DCDC1: variants seen among roughly 807,000 people sequenced by gnomAD.
The protein encoded by DCDC1 is doublecortin domain containing 1.
In DCDC1, 200 loss-of-function variants were observed where a neutral mutation model predicts 178.3. That is an observed-to-expected ratio of 1.12 (90% CI 1.00 to 1.26). DCDC1 has a LOEUF of 1.26. DCDC1 is among the 50% of genes most tolerant of loss of function. The pLI is 0.00. For synonymous variants in DCDC1, 690 were observed against 604.8 expected (o/e 1.14, Z -2.07); for missense variants, 1,983 against 1,749.2 (o/e 1.13, Z -2.38).
At chr11:31,051,203 A>T (rs996863563) in intron 20 of DCDC1, among the ~76,000 whole-genome samples, 49 of 152,328 alleles carry the variant, frequency 3.2e-4, no homozygotes, top group African/African-American at 1.1e-3. Context: ...CAGCAATAGA[A>T]CTGAACAAGT....
chr11:31,066,853 C>T (rs1302613236), intron 18 of DCDC1, among the ~76,000 whole-genome samples: 1 of 152,034 alleles, frequency 6.6e-6, no homozygotes, highest in Non-Finnish European at 1.5e-5. Context: ...CTTAATGTAA[C>T]CTGTAGACTT....
chr11:30,988,068 C>G (rs1404493360), intron 20 of DCDC1, among the ~76,000 whole-genome samples: 1 of 151,886 alleles, frequency 6.6e-6, no homozygotes, highest in East Asian at 1.9e-4. Context: ...TTTTGCAAGC[C>G]AAGATAAGAA....
intron 9 of DCDC1, among the ~76,000 whole-genome samples, chr11:31,196,113 T>C (rs889446921): frequency 1.1e-4 from 17 of 152,030 alleles, no homozygotes; most frequent in Non-Finnish European, 2.2e-4. Context: ...TCCTGTTGGA[T>C]GAAAACTTCC....
chr11:31,000,293 T>C (rs1231835576), intron 20 of DCDC1, among the ~76,000 whole-genome samples: 1 of 152,186 alleles, frequency 6.6e-6, no homozygotes, highest in Non-Finnish European at 1.5e-5. Flanking sequence ...TCAACACTGT[T>C]TGCAATCTTT....
chr11:31,309,476 C>T (rs1948644423), intron 3 of DCDC1, among the ~76,000 whole-genome samples: 1 of 152,186 alleles, frequency 6.6e-6, no homozygotes, highest in South Asian at 2.1e-4. Flanking sequence ...TCATTTCAAA[C>T]TGGCAGTGTT....
At chr11:31,298,945 A>G (rs371137991) in intron 6 of DCDC1, among the ~76,000 whole-genome samples, 1 of 152,246 alleles carries the variant, frequency 6.6e-6, no homozygotes, top group East Asian at 1.9e-4. Flanking sequence ...CTGACTGTCA[A>G]GTAGGTATAG....
chr11:31,109,045 T>C (rs1300051687), intron 12 of DCDC1, among the ~76,000 whole-genome samples: 1 of 152,042 alleles, frequency 6.6e-6, no homozygotes, highest in Non-Finnish European at 1.5e-5. Context: ...ATTTATTGCA[T>C]ACAGAAGCAC....
At chr11:30,886,345 G>A in intron 36 of DCDC1, among the ~76,000 whole-genome samples, 1 of 152,156 alleles carries the variant, frequency 6.6e-6, no homozygotes, top group South Asian at 2.1e-4. Flanking sequence ...AGATTCATAT[G>A]GTTTTATTTT....
intron 20 of DCDC1, among the ~76,000 whole-genome samples, chr11:30,985,980 C>T (rs1950620146): frequency 6.6e-6 from 1 of 152,094 alleles, no homozygotes; most frequent in Admixed American, 6.5e-5. Flanking sequence ...GTATTAGGCT[C>T]AGCAGCGTCT....
intron 20 of DCDC1, among the ~76,000 whole-genome samples, chr11:31,014,658 A>G (rs1469628784): frequency 2.6e-5 from 4 of 152,180 alleles, no homozygotes; most frequent in African/African-American, 9.6e-5. Flanking sequence ...TTTCTAATTG[A>G]TATGATGCCA....
chr11:31,312,875 G>A (rs1290598552), intron 3 of DCDC1: 1 of 151,972 alleles, frequency 6.6e-6, no homozygotes. Flanking sequence ...CAGTATATAG[G>A]CTGGACATGG....
intron 9 of DCDC1, among the ~76,000 whole-genome samples, chr11:31,233,531 A>AC (rs1976082333): frequency 6.6e-6 from 1 of 152,198 alleles, no homozygotes; most frequent in African/African-American, 2.4e-5. Context: ...AGATAAGGTT[A>AC]AATCAGTGAC....
At chr11:31,309,207 C>A (rs919746962) in intron 3 of DCDC1, among the ~76,000 whole-genome samples, 32 of 151,422 alleles carry the variant, frequency 2.1e-4, no homozygotes, top group Admixed American at 1.8e-3. Flanking sequence ...GGGAACTACA[C>A]CTCTGGAATC....
In DCDC1 at chr11:31,349,353, C is replaced by T. The variant is rs559370974; in HGVS notation, c.-124-13789G>A. Among the ~76,000 whole-genome samples, 8 of 152,244 alleles carry T rather than the reference C, an allele frequency of 5.3e-5. No homozygotes were observed. The South Asian group carries it at 1.2e-3, about 24-fold the overall frequency. Reference sequence around the variant, plus strand: ...ATGTGTTTTCCCTAAAACCACTTTGCGAATTCCTGACCCCATCATCTATCC... The same window carrying T: ...ATGTGTTTTCCCTAAAACCACTTTGTGAATTCCTGACCCCATCATCTATCC... On this transcript the variant is annotated intron_variant, in intron 1 of 38. Coordinates refer to ENST00000684477, the MANE Select transcript of DCDC1 (RefSeq NM_001387274.1).
rs776256354 is a variant in DCDC1, at chr11:31,032,450, C to T, written c.2591+32019G>A. Among the ~76,000 whole-genome samples the T allele has an allele frequency of 2.6e-5, 4 of 151,560 alleles. No individual in the cohort carries two copies. The South Asian group carries it at 6.2e-4, about 24-fold the overall frequency. ...TATGGAAAGAAGCCATATGCATAAT[C>T]GAGAAACAAAATGAACAAATAACAC... is the stretch of plus-strand genomic sequence containing the variant. On this transcript the variant is annotated intron_variant, in intron 20 of 38. Coordinates refer to ENST00000684477, the MANE Select transcript of DCDC1 (RefSeq NM_001387274.1).
chr11:31,162,669 G>T (rs766132383), intron 9 of DCDC1, among the ~76,000 whole-genome samples: 6 of 152,158 alleles, frequency 3.9e-5, no homozygotes, highest in African/African-American at 1.4e-4. Context: ...CTTATTTAAA[G>T]ATATTTACAG....
chr11:30,900,019 T>C (rs1944544557), intron 33 of DCDC1, among the ~76,000 whole-genome samples: 1 of 152,110 alleles, frequency 6.6e-6, no homozygotes, highest in Non-Finnish European at 1.5e-5. Context: ...AGACAGGTCG[T>C]CCTCAGTGTG....
At chr11:31,225,023 G>T (rs978966212) in intron 9 of DCDC1, among the ~76,000 whole-genome samples, 1 of 152,050 alleles carries the variant, frequency 6.6e-6, no homozygotes, top group African/African-American at 2.4e-5. Flanking sequence ...CTACCAAAAA[G>T]GAAAAGAAGT....
chr11:31,091,098 T>C (rs1330523935), intron 17 of DCDC1, among the ~76,000 whole-genome samples: 6 of 152,154 alleles, frequency 3.9e-5, no homozygotes, highest in South Asian at 2.1e-4. Flanking sequence ...ACAATCAAAA[T>C]GGATATAAAG....
Sources: gnomAD v4.1 joint callset for allele counts (sites outside exome capture counted in the v4.1 genomes callset) on GRCh38, gnomAD v4.1.1 for gene constraint, MANE v1.5 for transcripts, NCBI Gene and HGNC (gene_info 2026-07-23, HGNC 2026-07-21) for gene names.